The following CHN2 variants were observed in gnomAD, a reference collection of about 807,000 sequenced individuals.
The protein encoded by CHN2 is beta-chimaerin.
In CHN2, 35 loss-of-function variants were observed where a neutral mutation model predicts 56.3. The ratio of observed to expected loss-of-function variants is 0.62; its 90% CI spans 0.47 to 0.82. CHN2 has a LOEUF of 0.82. CHN2 is among the 40% of genes least tolerant of loss of function. The pLI is 0.00. For missense variants in CHN2, 491 were observed against 580.5 expected, an observed-to-expected ratio of 0.85 and a Z score of 1.58; for synonymous variants, 210 against 212.8, an observed-to-expected ratio of 0.99 and a Z score of 0.12.
chr7:29,448,004 A>G (rs956860604), intron 6 of CHN2, among the ~76,000 whole-genome samples: 2 of 152,188 alleles, frequency 1.3e-5, no homozygotes, highest in African/African-American at 4.8e-5. Flanking sequence ...TGGCAATTCT[A>G]TTTGGCAAGT....
intron 6 of CHN2, among the ~76,000 whole-genome samples, chr7:29,445,808 T>A (rs1034698450): frequency 6.6e-6 from 1 of 152,132 alleles, no homozygotes; most frequent in African/African-American, 2.4e-5. Flanking sequence ...ACAAATTAAA[T>A]AAATCGATCA....
chr7:29,149,962 A>G (rs937816360), intron 2 of CHN2, among the ~76,000 whole-genome samples: 5 of 152,222 alleles, frequency 3.3e-5, no homozygotes, highest in Admixed American at 1.3e-4. Flanking sequence ...AAATAAGGCC[A>G]CTTCACTGCT....
At chr7:29,354,434 G>T (rs1010339595) in intron 1 of CHN2, among the ~76,000 whole-genome samples, 191 bp from the exon 2 acceptor site, 2 of 152,084 alleles carry the variant, frequency 1.3e-5, no homozygotes, top group Non-Finnish European at 2.9e-5. Flanking sequence ...GAAGAAAGTG[G>T]TGCTGAGTCC....
At chr7:29,312,040 G>A (rs1281416910) in intron 1 of CHN2, among the ~76,000 whole-genome samples, 1 of 152,004 alleles carries the variant, frequency 6.6e-6, no homozygotes, top group Non-Finnish European at 1.5e-5. Context: ...ATGATTTGAG[G>A]CAACTACAGT....
intron 2 of CHN2, among the ~76,000 whole-genome samples, chr7:29,358,716 G>A (rs543566290): frequency 2.0e-5 from 3 of 152,082 alleles, no homozygotes; most frequent in South Asian, 2.1e-4. Flanking sequence ...TGCCCGCCTC[G>A]GCCTCCCAAA....
At chr7:29,385,837 A>T (rs559054668) in intron 3 of CHN2, among the ~76,000 whole-genome samples, 1 of 152,210 alleles carries the variant, frequency 6.6e-6, no homozygotes, top group Non-Finnish European at 1.5e-5. Flanking sequence ...AATAAACCAA[A>T]TGATTGGGAA....
intron 6 of CHN2, among the ~76,000 whole-genome samples, chr7:29,423,279 G>A (rs1031312193): frequency 5.9e-5 from 9 of 152,168 alleles, no homozygotes; most frequent in African/African-American, 1.4e-4. Context: ...CCTGCACCCC[G>A]CAGGACTGAA....
chr7:29,206,553 T>C lies in CHN2; in HGVS notation c.49+11563T>C, dbSNP rs182857225. Among the ~76,000 whole-genome samples, 319 of 152,304 alleles carry C rather than the reference T, an allele frequency of 2.1e-3. 1 individual carries two copies. The highest frequency in any genetic ancestry group is 7.2e-3 in the African/African-American group (298 of 41,564). ...CATCGGCCTCCCAGAGTGCTGGGAT[T>C]ACAAGTGTGAGCCACCGCGCCTGGC... On this transcript the variant is annotated intron_variant, in intron 1 of 12. Transcript: ENST00000222792.
intron 1 of CHN2, among the ~76,000 whole-genome samples, chr7:29,230,272 G>A (rs1562849283): frequency 6.6e-6 from 1 of 152,160 alleles, no homozygotes; most frequent in East Asian, 1.9e-4. Flanking sequence ...ACATGGTATT[G>A]TCTTACTAAA....
intron 1 of CHN2, among the ~76,000 whole-genome samples, chr7:29,276,751 A>G (rs1370388462): frequency 6.6e-6 from 1 of 152,202 alleles, no homozygotes; most frequent in Non-Finnish European, 1.5e-5. Flanking sequence ...TGGCCCTAAA[A>G]TTGTGGCTTG....
intron 7 of CHN2, among the ~76,000 whole-genome samples, chr7:29,483,226 A>G (rs1362246933): frequency 2.0e-5 from 3 of 152,108 alleles, no homozygotes; most frequent in African/African-American, 4.8e-5. Flanking sequence ...CTATTACCCC[A>G]GGTAAAAAGC....
At chr7:29,218,107 T>C (rs1192209052) in intron 1 of CHN2, among the ~76,000 whole-genome samples, 3 of 152,124 alleles carry the variant, frequency 2.0e-5, no homozygotes, top group Admixed American at 6.6e-5. Context: ...AAACAATGAA[T>C]TGGAACTAAT....
At chr7:29,440,562 A>G (rs990730122) in intron 6 of CHN2, among the ~76,000 whole-genome samples, 8 of 152,048 alleles carry the variant, frequency 5.3e-5, no homozygotes, top group Non-Finnish European at 1.5e-5. Flanking sequence ...GTGGTGGCAC[A>G]TGCCTGTAAT....
intron 1 of CHN2, among the ~76,000 whole-genome samples, chr7:29,230,147 A>C (rs976702074): frequency 2.0e-5 from 3 of 152,142 alleles, no homozygotes. Context: ...CCTTTAGAGA[A>C]AAAATTGCCA....
Position 29,195,595 on chromosome 7 carries a change from C to CTAGA in CHN2, c.49+605_49+606insTAGA. 4 of 96,124 alleles carry CTAGA rather than the reference C, an allele frequency of 4.2e-5. No individual in the cohort carries two copies. The East Asian group carries it at 1.5e-3, about 37-fold the overall frequency. The allele number at this position is 96,124 out of a possible 1,614,324, so 6.0% of individuals were successfully genotyped here. On this transcript the variant is annotated intron_variant, in intron 1 of 12. Transcript: ENST00000222792. The stretch of plus-strand genomic sequence containing the variant: ...CATCCTCTGACTCTTGGCACATTTA[C>CTAGA]GAGAGAGAGAGAGAGAGAGAGAGAG...
intron 6 of CHN2, among the ~76,000 whole-genome samples, chr7:29,440,821 C>T (rs1311366224): frequency 6.6e-6 from 1 of 151,850 alleles, no homozygotes; most frequent in African/African-American, 2.4e-5. Flanking sequence ...GAAGAAAGCC[C>T]ATACATCTGT....
chr7:29,349,251 A>G (rs6966495), intron 1 of CHN2, among the ~76,000 whole-genome samples: 48,772 of 152,068 alleles, frequency 0.32, 9,254 homozygotes, highest in African/African-American at 0.52. Context: ...TCTCCTACAC[A>G]TGGCTTTCAT....
At chr7:29,353,742 T>G (rs1227464086) in intron 1 of CHN2, among the ~76,000 whole-genome samples, 1 of 152,170 alleles carries the variant, frequency 6.6e-6, no homozygotes, top group Admixed American at 6.5e-5. Context: ...GAACAGAGTT[T>G]CCATATCTAA....
intron 6 of CHN2, among the ~76,000 whole-genome samples, chr7:29,445,908 G>A (rs1213513396): frequency 6.6e-6 from 1 of 152,008 alleles, no homozygotes; most frequent in Non-Finnish European, 1.5e-5. Context: ...TTCCAAGCTT[G>A]CAAGGGCCCC....
Sources: gnomAD v4.1 joint callset for allele counts (sites outside exome capture counted in the v4.1 genomes callset) on GRCh38, gnomAD v4.1.1 for gene constraint, MANE v1.5 for transcripts, NCBI Gene and HGNC (gene_info 2026-07-23, HGNC 2026-07-21) for gene names.